The following SUCLG2 variants were observed in gnomAD, a reference collection of about 807,000 sequenced individuals.
SUCLG2 encodes the protein succinate--CoA ligase [GDP-forming] subunit beta, mitochondrial.
Under a neutral mutation model 47.9 loss-of-function variants are expected in SUCLG2, and 42 were observed. That is an observed-to-expected ratio of 0.88 (90% CI 0.69 to 1.14). The LOEUF (loss-of-function observed/expected upper bound fraction) is 1.14. Among genes scored for constraint, SUCLG2 ranks in the 50% most tolerant of loss-of-function variants. The pLI is 0.00. For synonymous variants in SUCLG2, 195 were observed against 197.3 expected (o/e 0.99, Z 0.10); for missense variants, 571 against 525.9 (o/e 1.09, Z -0.84).
chr3:67,642,804 CA>C (rs2107372241), intron 1 of SUCLG2, among the ~76,000 whole-genome samples: 1 of 152,210 alleles, frequency 6.6e-6, no homozygotes, highest in African/African-American at 2.4e-5. Context: ...GTTATCCAGA[CA>C]CCATTAATAG....
chr3:67,501,842 C>T (rs1705502412), intron 7 of SUCLG2, among the ~76,000 whole-genome samples: 1 of 152,122 alleles, frequency 6.6e-6, no homozygotes, highest in Non-Finnish European at 1.5e-5. Flanking sequence ...CATGCATACC[C>T]TGCCCCATAT....
At chr3:67,506,412 C>T (rs1047028031) in intron 7 of SUCLG2, among the ~76,000 whole-genome samples, 8 of 151,976 alleles carry the variant, frequency 5.3e-5, no homozygotes, top group Non-Finnish European at 1.2e-4. Context: ...GATAATTTTG[C>T]TCTTAAAAAT....
chr3:67,562,595 T>C (rs1387597341), intron 2 of SUCLG2, among the ~76,000 whole-genome samples: 1 of 152,206 alleles, frequency 6.6e-6, no homozygotes, highest in East Asian at 1.9e-4. Flanking sequence ...TAGATTTTAT[T>C]TGGCAAAACA....
At chr3:67,557,700 G>C (rs1707198026) in intron 2 of SUCLG2, among the ~76,000 whole-genome samples, 1 of 152,164 alleles carries the variant, frequency 6.6e-6, no homozygotes, top group South Asian at 2.1e-4. Context: ...GTCCATGGCT[G>C]AGCGGCATCA....
intron 10 of SUCLG2, among the ~76,000 whole-genome samples, chr3:67,388,011 G>A (rs1702297313): frequency 6.6e-6 from 1 of 151,962 alleles, no homozygotes; most frequent in Admixed American, 6.6e-5. Context: ...TCTATAAAAT[G>A]GTAACAAGTG....
At position 67,574,264 on chromosome 3, in the gene SUCLG2, CA is replaced by C. The variant is rs550582364; in HGVS notation, c.226+35190del. ...ATCTAAACGTTTATACTTGTTAAGA[CA>C]TCTACAAAGTCCCTTCTGCCACATA... On this transcript the variant is annotated intron_variant, in intron 2 of 10. Coordinates refer to ENST00000307227, the MANE Select transcript of SUCLG2 (RefSeq NM_003848.4). Among the ~76,000 whole-genome samples, 493 of 152,332 alleles carry C rather than the reference CA, an allele frequency of 3.2e-3. 2 individuals are homozygous for C. Among genetic ancestry groups the C allele is most frequent in the African/African-American group, 0.011 (469 of 41,564 alleles).
chr3:67,442,167 C>T lies in SUCLG2; in HGVS notation c.1063-41316G>A, dbSNP rs560006542. Among the ~76,000 whole-genome samples the T allele has an allele frequency of 6.7e-3, 1,005 of 150,192 alleles. 15 individuals carry two copies. Among genetic ancestry groups the T allele is most frequent in the African/African-American group, 0.023 (918 of 40,776 alleles). ...CTGGGACTACAGGCGCCCGCCACTA[C>T]GCCCGGCTAATTTTTTGTATTTTTA... On this transcript the variant is annotated intron_variant, in intron 9 of 10. Transcript: ENST00000307227.
intron 1 of SUCLG2, among the ~76,000 whole-genome samples, chr3:67,611,564 G>A (rs1700527651): frequency 6.6e-6 from 1 of 152,152 alleles, no homozygotes; most frequent in South Asian, 2.1e-4. Flanking sequence ...TTAGCTGTGT[G>A]CTATTATCTA....
chr3:67,385,324 G>A (rs1204316110), intron 10 of SUCLG2, among the ~76,000 whole-genome samples: 2 of 152,234 alleles, frequency 1.3e-5, no homozygotes, highest in Non-Finnish European at 2.9e-5. Context: ...CCACTGCCTA[G>A]AGTGGGGCAG....
intron 2 of SUCLG2, among the ~76,000 whole-genome samples, chr3:67,585,844 G>A (rs190551263): frequency 3.3e-5 from 5 of 151,934 alleles, no homozygotes; most frequent in South Asian, 2.1e-4. Flanking sequence ...GTGGGTGCCT[G>A]TAATTCCAGC....
At position 67,495,960 on chromosome 3, in the gene SUCLG2, C is replaced by T. The variant is rs1404557520; in HGVS notation, c.920-20G>A. ...CATTCACTGTGAAATGCAAATGGGA[C>T]ACAAGACAGGCTACATTTAGCAACA... On this transcript the variant is annotated intron_variant, in intron 8 of 10. Transcript: ENST00000307227. 6.2e-7 allele frequency: 1 copy of T among 1,613,448 alleles called. No homozygotes were observed. The highest frequency in any genetic ancestry group is 8.5e-7 in the Non-Finnish European group (1 of 1,179,746).
At chr3:67,602,529 G>A (rs367564986) in intron 2 of SUCLG2, among the ~76,000 whole-genome samples, 2 of 152,102 alleles carry the variant, frequency 1.3e-5, no homozygotes, top group African/African-American at 4.8e-5. Flanking sequence ...GAGATGACCA[G>A]AGAAGACCAT....
At chr3:67,568,188 C>T (rs755614631) in intron 2 of SUCLG2, among the ~76,000 whole-genome samples, 3 of 152,100 alleles carry the variant, frequency 2.0e-5, no homozygotes, top group Non-Finnish European at 2.9e-5. Flanking sequence ...AAAGGGTATT[C>T]ATGTGACACA....
At chr3:67,413,537 A>G (rs1320513893) in intron 9 of SUCLG2, among the ~76,000 whole-genome samples, 1 of 152,250 alleles carries the variant, frequency 6.6e-6, no homozygotes, top group East Asian at 1.9e-4. Flanking sequence ...CCATACATTT[A>G]TCTCAAAAGC....
intron 9 of SUCLG2, among the ~76,000 whole-genome samples, chr3:67,441,679 A>T (rs979037528): frequency 3.9e-5 from 6 of 152,238 alleles, no homozygotes; most frequent in African/African-American, 1.4e-4. Flanking sequence ...AATACAGATA[A>T]CTAACATATA....
At chr3:67,640,008 G>A (rs28555239) in intron 1 of SUCLG2, among the ~76,000 whole-genome samples, 4,956 of 152,252 alleles carry the variant, frequency 0.033, 287 homozygotes, top group African/African-American at 0.11. Context: ...TATACTGTTT[G>A]TTTAAGTAGA....
At chr3:67,610,133 C>T (rs1443617586) in intron 1 of SUCLG2, among the ~76,000 whole-genome samples, 1 of 152,128 alleles carries the variant, frequency 6.6e-6, no homozygotes, top group Non-Finnish European at 1.5e-5. Context: ...TAAGGTTTTT[C>T]AGGAAATTTG....
chr3:67,623,271 C>T lies in SUCLG2; in HGVS notation c.85-13675G>A, dbSNP rs145377629. Among the ~76,000 whole-genome samples, 525 of 152,152 alleles carry T rather than the reference C, an allele frequency of 3.5e-3. 3 individuals are homozygous for T. The highest frequency in any genetic ancestry group is 0.012 in the African/African-American group (483 of 41,528). On this transcript the variant is annotated intron_variant, in intron 1 of 10. Coordinates refer to ENST00000307227, the MANE Select transcript of SUCLG2 (RefSeq NM_003848.4). ...ATCCCAGCACTTTGGGAGGCCAAAG[C>T]GGGTGAATCACGAGGTCAGGACATC...
intron 9 of SUCLG2, among the ~76,000 whole-genome samples, chr3:67,428,278 G>A (rs573865180): frequency 1.4e-4 from 22 of 152,312 alleles, no homozygotes; most frequent in African/African-American, 2.9e-4. Context: ...AACATTTGCC[G>A]TTCTGCAATA....
Sources: gnomAD v4.1 joint callset for allele counts (sites outside exome capture counted in the v4.1 genomes callset) on GRCh38, gnomAD v4.1.1 for gene constraint, MANE v1.5 for transcripts, NCBI Gene and HGNC (gene_info 2026-07-23, HGNC 2026-07-21) for gene names.